The following LTBP1 variants were observed in gnomAD, a reference collection of about 807,000 sequenced individuals.
The protein encoded by LTBP1 is latent transforming growth factor beta binding protein 1.
In LTBP1, 129 loss-of-function variants were observed where a neutral mutation model predicts 207.6. The observed-to-expected ratio is 0.62, with a 90% CI of 0.54 to 0.72. The LOEUF is 0.72. LTBP1 is among the 30% of genes least tolerant of loss of function. LTBP1 has a pLI of 0.00. For missense variants in LTBP1, 2,281 were observed against 2,217.2 expected (o/e 1.03, Z -0.58); for synonymous variants, 963 against 833.7 (o/e 1.16, Z -2.67).
chr2:33,375,953 C>T (rs1206053914), intron 31 of LTBP1, among the ~76,000 whole-genome samples: 1 of 151,974 alleles, frequency 6.6e-6, no homozygotes, highest in African/African-American at 2.4e-5. Flanking sequence ...TTTATAAGTC[C>T]AATAACCTTC....
intron 5 of LTBP1, among the ~76,000 whole-genome samples, chr2:33,158,016 A>G (rs2084122451): frequency 6.6e-6 from 1 of 152,052 alleles, no homozygotes; most frequent in Admixed American, 6.6e-5. Flanking sequence ...TGTGCCTATA[A>G]TCCCAGCTAC....
chr2:32,954,458 A>G (rs1203036196), intron 2 of LTBP1, among the ~76,000 whole-genome samples: 1 of 151,754 alleles, frequency 6.6e-6, no homozygotes, highest in Admixed American at 6.6e-5. Context: ...GTGTCTTTAT[A>G]CATTGTCTTG....
At chr2:32,969,015 A>G (rs1267391573) in intron 2 of LTBP1, among the ~76,000 whole-genome samples, 1 of 149,902 alleles carries the variant, frequency 6.7e-6, no homozygotes. Context: ...CCTGGGCTCA[A>G]GCAGGGCTCG....
At position 33,386,807 on chromosome 2, in the gene LTBP1, TGGGTG is replaced by T. The variant is rs1345013579; in HGVS notation, c.4712-2375_4712-2371del. On this transcript the variant is annotated intron_variant, in intron 31 of 33. Transcript: ENST00000404816. ...ACAATGGTGCCACTGCATTCCAGCA[TGGGTG>T]GCAGAGCAAGACCCTTTTTTTTTTT... 2.7e-5 allele frequency among the ~76,000 whole-genome samples: 4 copies of T among 148,572 alleles called. No homozygotes were observed. The East Asian group carries it at 6.0e-4, about 22-fold the overall frequency.
chr2:33,007,847 TAAGCG>T (rs1248923729), intron 2 of LTBP1, among the ~76,000 whole-genome samples: 1 of 152,196 alleles, frequency 6.6e-6, no homozygotes, highest in Non-Finnish European at 1.5e-5. Flanking sequence ...AATCTACATA[TAAGCG>T]CTCTTTGTAT....
At chr2:33,354,175 A>AT (rs2094823212) in intron 26 of LTBP1, among the ~76,000 whole-genome samples, 1 of 152,080 alleles carries the variant, frequency 6.6e-6, no homozygotes. Flanking sequence ...GCATGTACAC[A>AT]TTTTTTAAAG....
At chr2:33,056,193 G>T in intron 3 of LTBP1, 1 of 293,668 alleles carries the variant, frequency 3.4e-6, no homozygotes, top group Non-Finnish European at 6.4e-6. Flanking sequence ...AGAAAAAAAT[G>T]AGCCGCCTCT....
At chr2:33,037,956 C>T (rs1177581082) in intron 3 of LTBP1, among the ~76,000 whole-genome samples, 4 of 152,164 alleles carry the variant, frequency 2.6e-5, no homozygotes, top group Non-Finnish European at 4.4e-5. Context: ...CGAACTCAAG[C>T]AGTCCCCCTG....
At chr2:33,193,604 T>G (rs958093694) in intron 7 of LTBP1, among the ~76,000 whole-genome samples, 2 of 152,244 alleles carry the variant, frequency 1.3e-5, no homozygotes, top group African/African-American at 4.8e-5. Context: ...TCTGGCAGCC[T>G]TGCTTATAGG....
intron 3 of LTBP1, among the ~76,000 whole-genome samples, chr2:33,026,951 C>T (rs1365910638): frequency 3.3e-5 from 5 of 152,172 alleles, no homozygotes; most frequent in South Asian, 2.1e-4. Flanking sequence ...TCCTCCTCAC[C>T]GGAGGGAGCT....
chr2:33,074,812 G>A (rs2077988937), intron 3 of LTBP1, among the ~76,000 whole-genome samples: 1 of 150,578 alleles, frequency 6.6e-6, no homozygotes, highest in Non-Finnish European at 1.5e-5. Context: ...GGAGGTTGCA[G>A]TCAGCCGAGA....
intron 5 of LTBP1, among the ~76,000 whole-genome samples, chr2:33,155,359 C>T (rs911819736): frequency 9.2e-5 from 14 of 152,298 alleles, no homozygotes; most frequent in Admixed American, 7.2e-4. Context: ...TGAGCCACCA[C>T]GCCCAGTCTC....
intron 3 of LTBP1, among the ~76,000 whole-genome samples, chr2:33,054,680 A>C (rs904642625): frequency 6.6e-5 from 10 of 152,206 alleles, no homozygotes; most frequent in African/African-American, 2.2e-4. Context: ...ACGGACCTTG[A>C]GGACAGTCGT....
chr2:33,228,697 C>CTTTTT (rs1244221993), intron 9 of LTBP1, among the ~76,000 whole-genome samples: 1,038 of 98,914 alleles, frequency 0.01, 213 homozygotes, highest in Non-Finnish European at 0.016. Flanking sequence ...GGGTTATACC[C>CTTTTT]TTTTTTTTTT....
intron 5 of LTBP1, among the ~76,000 whole-genome samples, chr2:33,136,905 T>A (rs562300892): frequency 6.6e-6 from 1 of 152,314 alleles, no homozygotes; most frequent in South Asian, 2.1e-4. Flanking sequence ...CCATATAGGA[T>A]CGGCAGAGCA....
chr2:33,059,982 G>A (rs1472881545), intron 3 of LTBP1, among the ~76,000 whole-genome samples: 1 of 152,218 alleles, frequency 6.6e-6, no homozygotes, highest in Non-Finnish European at 1.5e-5. Context: ...AAATAGCTAA[G>A]AGAAGTTTGG....
In LTBP1 at chr2:32,948,864, C is replaced by G. The variant is rs1416958317; in HGVS notation, c.495-11C>G. 6.2e-7 allele frequency: 1 copy of G among 1,613,934 alleles called. No individual in the cohort carries two copies. ...TCTGCTGCTGGACTCAGCGATCTTG[C>G]TTTGTTTCAGGGTCAATGTCTGTGG... On this transcript the variant is annotated splice_polypyrimidine_tract_variant and intron_variant, in intron 1 of 33. Coordinates refer to ENST00000404816, the MANE Select transcript of LTBP1 (RefSeq NM_206943.4).
chr2:33,329,954 A>G (rs180792080), intron 24 of LTBP1, among the ~76,000 whole-genome samples: 2 of 152,184 alleles, frequency 1.3e-5, no homozygotes, highest in East Asian at 1.9e-4. Flanking sequence ...AGTTGAATCA[A>G]TAGATCAATT....
intron 5 of LTBP1, among the ~76,000 whole-genome samples, chr2:33,161,399 T>G (rs1487613468): frequency 6.6e-6 from 1 of 152,010 alleles, no homozygotes; most frequent in Non-Finnish European, 1.5e-5. Flanking sequence ...CCCAAGTAGC[T>G]GGGATTACAG....
Sources: allele counts gnomAD v4.1 joint callset (sites outside exome capture counted in the v4.1 genomes callset), GRCh38; gene constraint gnomAD v4.1.1; transcripts MANE v1.5; gene names NCBI Gene and HGNC (gene_info 2026-07-23, HGNC 2026-07-21).